SAE1: variants seen among roughly 807,000 people sequenced by gnomAD.
SAE1 encodes SUMO-activating enzyme subunit 1.
In SAE1, 11 loss-of-function variants were observed where a neutral mutation model predicts 40.6. The observed-to-expected ratio is 0.27, with a 90% CI of 0.17 to 0.45. SAE1 has a LOEUF of 0.45. Ranked by LOEUF, SAE1 falls within the 20% of genes least tolerant of loss-of-function variation. SAE1 has a pLI of 1.00. For missense variants in SAE1, 373 were observed against 427.3 expected (o/e 0.87, Z 1.12); for synonymous variants, 155 against 154.3 (o/e 1.00, Z -0.03).
chr19:47,183,040 C>T (rs192807), intron 6 of SAE1, among the ~76,000 whole-genome samples: 2 of 152,008 alleles, frequency 1.3e-5, no homozygotes, highest in East Asian at 1.9e-4. Context: ...CTCTGCCTCC[C>T]GAGTAGCTGG....
In SAE1 at chr19:47,130,908, C is replaced by T. The variant is rs867127447; in HGVS notation, c.-23C>T. On this transcript the variant is annotated 5_prime_UTR_variant, in exon 1 of 9. Coordinates refer to ENST00000270225, the MANE Select transcript of SAE1 (RefSeq NM_005500.3). The stretch of plus-strand genomic sequence containing the variant: ...GCGGTTGGCTTGAGCGGGACCGGAG[C>T]TGAGGCAGGAAGAGCCGGCGCCATG... 3 of 1,548,720 alleles carry T rather than the reference C, an allele frequency of 1.9e-6. No homozygotes were observed. The highest frequency in any genetic ancestry group is 4.3e-4 in the Middle Eastern group (2 of 4,654).
intron 1 of SAE1, 104 bp downstream of exon 1, chr19:47,131,132 G>A (rs1472811235): frequency 2.1e-6 from 3 of 1,438,706 alleles, no homozygotes; most frequent in East Asian, 2.7e-5. Flanking sequence ...GAAGGGAGGA[G>A]GCGGGAATTC....
intron 6 of SAE1, among the ~76,000 whole-genome samples, chr19:47,194,843 A>G (rs1325722741): frequency 1.3e-5 from 2 of 151,306 alleles, no homozygotes; most frequent in Non-Finnish European, 2.9e-5. Context: ...CCCAGGTTCA[A>G]GTGATTCTTC....
chr19:47,175,107 ATTTTTTTTTTT>A (rs916783073), intron 6 of SAE1, among the ~76,000 whole-genome samples: 15 of 91,706 alleles, frequency 1.6e-4, no homozygotes, highest in East Asian at 3.5e-4. Flanking sequence ...AGTGGCCTTG[ATTTTTTTTTTT>A]TTTTTTTTTT....
chr19:47,192,883 A>T (rs2058588090), intron 6 of SAE1, among the ~76,000 whole-genome samples: 1 of 152,026 alleles, frequency 6.6e-6, no homozygotes, highest in South Asian at 2.1e-4. Context: ...GCTTGGTCCA[A>T]ACAGGCAGTA....
At chr19:47,155,251 G>T in intron 5 of SAE1, 38 bp downstream of exon 5, 1 of 1,348,414 alleles carries the variant, frequency 7.4e-7, no homozygotes, top group Non-Finnish European at 1.1e-6. Context: ...GAAACCCTGG[G>T]GCCTTGGAGG....
At chr19:47,145,824 C>T (rs1189970344) in intron 2 of SAE1, among the ~76,000 whole-genome samples, 2 of 152,020 alleles carry the variant, frequency 1.3e-5, no homozygotes, top group Non-Finnish European at 2.9e-5. Flanking sequence ...CATCTTAGAG[C>T]GTATTATGTA....
intron 6 of SAE1, among the ~76,000 whole-genome samples, chr19:47,189,889 G>A (rs1224481287): frequency 3.3e-5 from 5 of 152,206 alleles, no homozygotes; most frequent in Non-Finnish European, 7.3e-5. Context: ...GATTAATAAT[G>A]TTGCTGTCCA....
chr19:47,167,781 T>C (rs541498457), intron 5 of SAE1, among the ~76,000 whole-genome samples: 132 of 152,118 alleles, frequency 8.7e-4, no homozygotes, highest in Non-Finnish European at 1.5e-3. Context: ...TTTTAAAATA[T>C]AGAGACACAG....
chr19:47,133,468 G>A (rs901991568), intron 1 of SAE1, among the ~76,000 whole-genome samples: 2 of 152,090 alleles, frequency 1.3e-5, no homozygotes, highest in Non-Finnish European at 2.9e-5. Flanking sequence ...CTCGTGATCC[G>A]CCTGCCTTGG....
intron 1 of SAE1, chr19:47,142,559 C>T (rs774388378): frequency 6.6e-6 from 1 of 152,150 alleles, no homozygotes; most frequent in Non-Finnish European, 1.5e-5. Context: ...ATCTTCCTAC[C>T]CCCATGGCTT....
At chr19:47,170,021 G>C in intron 6 of SAE1, 98 bp downstream of exon 6, 1 of 884,308 alleles carries the variant, frequency 1.1e-6, no homozygotes, top group South Asian at 1.4e-5. Context: ...TGTTTGCCTT[G>C]GGTGGCATTC....
chr19:47,177,997 C>CT (rs200284312), intron 6 of SAE1, among the ~76,000 whole-genome samples: 2,311 of 152,220 alleles, frequency 0.015, 43 homozygotes, highest in African/African-American at 0.043. Flanking sequence ...AATCCCAGCA[C>CT]TTTGAGAGAC....
intron 6 of SAE1, among the ~76,000 whole-genome samples, chr19:47,177,104 T>C (rs548410069): frequency 3.3e-5 from 5 of 152,350 alleles, no homozygotes; most frequent in Admixed American, 6.5e-5. Context: ...ACTTGCTCAG[T>C]CTCTGTTCTG....
At chr19:47,142,945 CTA>C (rs1014631421) in intron 1 of SAE1, among the ~76,000 whole-genome samples, 7 of 152,136 alleles carry the variant, frequency 4.6e-5, no homozygotes, top group Non-Finnish European at 1.0e-4. Flanking sequence ...AGGGCAGGGA[CTA>C]TGTCTGATTC....
chr19:47,197,839 C>T (rs1006966600), intron 7 of SAE1, among the ~76,000 whole-genome samples: 3 of 152,178 alleles, frequency 2.0e-5, no homozygotes, highest in East Asian at 1.9e-4. Context: ...GACCTTGTGT[C>T]GTACGTGTGC....
intron 6 of SAE1, among the ~76,000 whole-genome samples, chr19:47,172,226 C>T (rs1228538606): frequency 6.6e-6 from 1 of 152,188 alleles, no homozygotes; most frequent in Non-Finnish European, 1.5e-5. Context: ...GCTGGATGAA[C>T]TATTTGAAAG....
chr19:47,162,859 G>C (rs1441057169), intron 5 of SAE1, among the ~76,000 whole-genome samples: 1 of 152,132 alleles, frequency 6.6e-6, no homozygotes, highest in Non-Finnish European at 1.5e-5. Flanking sequence ...GGGCGTGGTA[G>C]CACGTGCCAG....
chr19:47,184,313 G>T (rs553909585), intron 6 of SAE1, among the ~76,000 whole-genome samples: 1 of 152,242 alleles, frequency 6.6e-6, no homozygotes, highest in Non-Finnish European at 1.5e-5. Flanking sequence ...TTTTAAATCC[G>T]TCGTGACCAT....
Sources: allele counts gnomAD v4.1 joint callset (sites outside exome capture counted in the v4.1 genomes callset), GRCh38; gene constraint gnomAD v4.1.1; transcripts MANE v1.5; gene names NCBI Gene and HGNC (gene_info 2026-07-23, HGNC 2026-07-21).